The following INSL6 variants were observed in gnomAD, a reference collection of about 807,000 sequenced individuals.
INSL6 encodes the protein insulin like 6.
INSL6 carries 16 observed loss-of-function variants against 9.4 expected under a neutral mutation model. The observed-to-expected ratio is 1.70, with a 90% CI of 1.15 to 2.59. The LOEUF is 2.59. Ranked by LOEUF, INSL6 falls within the 30% of genes most tolerant of loss-of-function variation. INSL6 has a pLI of 0.00. For missense variants in INSL6, 391 were observed against 257.3 expected (o/e 1.52, Z -3.56); for synonymous variants, 154 against 96.9 (o/e 1.59, Z -3.46).
At chr9:5,147,539 A>G (rs10121316) in intron 2 of INSL6, among the ~76,000 whole-genome samples, 56,385 of 152,020 alleles carry the variant, frequency 0.37, 11,553 homozygotes, top group African/African-American at 0.56. Context: ...ACTGCCTGGT[A>G]AGGAGATTTC....
the INSL6 span, among the ~76,000 whole-genome samples, chr9:5,088,063 T>C: frequency 6.6e-6 from 1 of 152,352 alleles, no homozygotes; most frequent in Non-Finnish European, 1.5e-5. Context: ...TAAAATGTGT[T>C]TTGGAATAAT....
the INSL6 span, among the ~76,000 whole-genome samples, chr9:5,088,497 T>G: frequency 2.6e-5 from 4 of 152,084 alleles, no homozygotes; most frequent in Admixed American, 1.3e-4. Flanking sequence ...TCTATGTACT[T>G]AATGAGTTTT....
the INSL6 span, among the ~76,000 whole-genome samples, chr9:5,061,993 G>A: frequency 4.6e-5 from 7 of 152,124 alleles, no homozygotes; most frequent in Admixed American, 6.5e-5. Context: ...ATAGCTATTC[G>A]GTGGAGCAGT....
chr9:5,108,241 T>C, the INSL6 span: 3 of 152,146 alleles, frequency 2.0e-5, no homozygotes, highest in African/African-American at 4.8e-5. Flanking sequence ...TTTAAAATTA[T>C]AGCATTCACA....
At chr9:5,148,915 G>A (rs1824655210) in intron 2 of INSL6, among the ~76,000 whole-genome samples, 1 of 151,526 alleles carries the variant, frequency 6.6e-6, no homozygotes, top group Non-Finnish European at 1.5e-5. Context: ...GACCCTGGGA[G>A]GTGCTGGTGG....
At chr9:5,007,138 C>T in the INSL6 span, among the ~76,000 whole-genome samples, 52,068 of 151,668 alleles carry the variant, frequency 0.34, 9,641 homozygotes, top group African/African-American at 0.49. Flanking sequence ...CTCTTAAGTA[C>T]TTTCATTTTT....
At chr9:5,063,695 G>C in the INSL6 span, among the ~76,000 whole-genome samples, 2 of 152,142 alleles carry the variant, frequency 1.3e-5, no homozygotes, top group Admixed American at 6.5e-5. Context: ...TTGCATAAGA[G>C]TGTTTTGAAG....
At chr9:5,116,388 A>C in the INSL6 span, among the ~76,000 whole-genome samples, 2 of 152,202 alleles carry the variant, frequency 1.3e-5, no homozygotes, top group Non-Finnish European at 2.9e-5. Context: ...CTTTTTGAGG[A>C]AATGTCGTCA....
At position 5,126,378 on chromosome 9, in the gene INSL6, G is replaced by A. The variant is rs775568041; in HGVS notation, c.*11-1867C>T. The A allele has an allele frequency of 5.6e-6, 9 of 1,610,960 alleles. No individual in the cohort carries two copies. Among genetic ancestry groups the A allele is most frequent in the Admixed American group, 1.7e-5 (1 of 59,720 alleles). On this transcript the variant is annotated intron_variant, in intron 3 of 3. Transcript: ENST00000649639. ...CAATGACAAACAAGGACAGATGATC[G>A]TGTTCCATTTGATAGAACTTTTGAA...
downstream of INSL6, among the ~76,000 whole-genome samples, chr9:5,119,124 G>A (rs974020085): frequency 6.6e-6 from 1 of 152,066 alleles, no homozygotes; most frequent in African/African-American, 2.4e-5. Context: ...TACCTCAAAG[G>A]TTGAGTAGAT....
At chr9:5,128,548 T>A (rs1468711338) in intron 3 of INSL6, among the ~76,000 whole-genome samples, 1 of 151,934 alleles carries the variant, frequency 6.6e-6, no homozygotes, top group Non-Finnish European at 1.5e-5. Flanking sequence ...AAGTAGGTTC[T>A]TATCAAGGGT....
intron 1 of INSL6, among the ~76,000 whole-genome samples, chr9:5,183,924 T>C (rs1430921718): frequency 1.3e-5 from 2 of 152,134 alleles, no homozygotes; most frequent in Non-Finnish European, 2.9e-5. Context: ...ATTAACAGGA[T>C]TCCCAAATGA....
chr9:4,997,152 G>C, the INSL6 span, among the ~76,000 whole-genome samples: 6 of 151,870 alleles, frequency 4.0e-5, no homozygotes, highest in East Asian at 1.2e-3. Flanking sequence ...GTCTGGTCTT[G>C]AACTCCTGGG....
chr9:5,087,725 C>G, the INSL6 span, among the ~76,000 whole-genome samples: 1 of 152,156 alleles, frequency 6.6e-6, no homozygotes, highest in Non-Finnish European at 1.5e-5. Flanking sequence ...CAAATGGTAA[C>G]CACTGCCAGA....
At chr9:5,024,864 A>T in the INSL6 span, among the ~76,000 whole-genome samples, 1 of 152,196 alleles carries the variant, frequency 6.6e-6, no homozygotes, top group Admixed American at 6.5e-5. Context: ...TTTGAGATTA[A>T]GGTTGGCTCT....
the INSL6 span, among the ~76,000 whole-genome samples, chr9:5,081,380 A>C: frequency 6.6e-6 from 1 of 151,870 alleles, no homozygotes; most frequent in Non-Finnish European, 1.5e-5. Context: ...CTCCTTTTTC[A>C]AAATACTGAG....
At chr9:5,064,795 A>G in the INSL6 span, 1 of 971,256 alleles carries the variant, frequency 1.0e-6, no homozygotes, top group East Asian at 2.5e-5. Context: ...AGAAAATTGT[A>G]TTTAACATGG....
intron 1 of INSL6, among the ~76,000 whole-genome samples, chr9:5,178,585 T>G (rs1204252480): frequency 6.6e-6 from 1 of 152,190 alleles, no homozygotes; most frequent in Non-Finnish European, 1.5e-5. Flanking sequence ...GTTTCCTACA[T>G]CACACTACCC....
the INSL6 span, chr9:5,041,879 C>T: frequency 1.2e-5 from 5 of 434,672 alleles, no homozygotes; most frequent in African/African-American, 8.2e-5. Flanking sequence ...GCCACTCCAG[C>T]GCCCATCAGG....
Sources: allele counts gnomAD v4.1 joint callset (sites outside exome capture counted in the v4.1 genomes callset), GRCh38; gene constraint gnomAD v4.1.1; transcripts MANE v1.5; gene names NCBI Gene and HGNC (gene_info 2026-07-23, HGNC 2026-07-21).